Variants in PUM1 observed in about 807,000 individuals in gnomAD.
PUM1 encodes the protein pumilio homolog 1.
A neutral mutation model predicts 131.8 loss-of-function variants in PUM1; 13 were observed. That is an observed-to-expected ratio of 0.10 (90% CI 0.06 to 0.16). PUM1 has a LOEUF of 0.16. Ranked by LOEUF, PUM1 falls within the 10% of genes least tolerant of loss-of-function variation. The pLI is 1.00. For synonymous variants in PUM1, 509 were observed against 556.5 expected (o/e 0.91, Z 1.20); for missense variants, 961 against 1,512.4 (o/e 0.64, Z 6.05).
chr1:30,945,328 C>A lies in PUM1; in HGVS notation c.2994+18G>T. The A allele has an allele frequency of 1.2e-6, 2 of 1,612,174 alleles. No homozygotes were observed. The highest frequency in any genetic ancestry group is 1.7e-4 in the Middle Eastern group (1 of 6,052). ...GGAAATAAATTTGTTTCCATTATTT[C>A]TCTCCTGGGTCACTTACCTGTCCCT... On this transcript the variant is annotated intron_variant, in intron 18 of 21. Transcript: ENST00000426105.
intron 20 of PUM1, 99 bp from the exon 21 acceptor site, chr1:30,936,934 G>A (rs572661565): frequency 2.0e-6 from 2 of 993,064 alleles, no homozygotes; most frequent in African/African-American, 1.7e-5. Flanking sequence ...GACCAGCAGG[G>A]AGAGAGAGCT....
intron 7 of PUM1, among the ~76,000 whole-genome samples, chr1:30,991,896 C>T (rs1253136736): frequency 6.6e-6 from 1 of 152,148 alleles, no homozygotes; most frequent in Non-Finnish European, 1.5e-5. Context: ...TTCCTCTGAT[C>T]GCATTCTAAT....
intron 2 of PUM1, among the ~76,000 whole-genome samples, chr1:31,037,859 C>T (rs1643663993): frequency 6.6e-6 from 1 of 151,854 alleles, no homozygotes; most frequent in Non-Finnish European, 1.5e-5. Flanking sequence ...CTGGCTAACA[C>T]AGTCAGGAGG....
At chr1:31,053,250 T>A (rs909172610) in intron 2 of PUM1, among the ~76,000 whole-genome samples, 47 of 150,788 alleles carry the variant, frequency 3.1e-4, no homozygotes, top group Admixed American at 1.8e-3. Flanking sequence ...TCCACCTGCC[T>A]CAGCCTCCCA....
chr1:30,971,573 A>G (rs1640873304), intron 10 of PUM1, among the ~76,000 whole-genome samples: 1 of 152,226 alleles, frequency 6.6e-6, no homozygotes, highest in African/African-American at 2.4e-5. Flanking sequence ...ATTTTCTTTA[A>G]GTCAAGACAT....
intron 2 of PUM1, among the ~76,000 whole-genome samples, chr1:31,042,479 A>G (rs1230449493): frequency 6.6e-6 from 1 of 152,192 alleles, no homozygotes; most frequent in African/African-American, 2.4e-5. Context: ...CATCAGGGGA[A>G]AAAAGCTAAA....
At chr1:30,972,647 A>G (rs1263159769) in intron 10 of PUM1, among the ~76,000 whole-genome samples, 1 of 146,942 alleles carries the variant, frequency 6.8e-6, no homozygotes, top group African/African-American at 2.5e-5. Flanking sequence ...GGCGGCACAC[A>G]CCTGTAATCC....
chr1:30,963,543 A>G (rs1401040659), intron 14 of PUM1, among the ~76,000 whole-genome samples: 1 of 152,056 alleles, frequency 6.6e-6, no homozygotes, highest in East Asian at 1.9e-4. Flanking sequence ...CAAAGCTATC[A>G]CTCCTAGGTC....
At chr1:31,005,817 GAGAGAGAT>G in intron 5 of PUM1, 28 bp downstream of exon 5, 1 of 1,494,972 alleles carries the variant, frequency 6.7e-7, no homozygotes, top group Non-Finnish European at 9.0e-7. Flanking sequence ...GAGAGAGAGA[GAGAGAGAT>G]AGGAACAAGT....
intron 10 of PUM1, among the ~76,000 whole-genome samples, chr1:30,973,778 C>G (rs1463007115): frequency 6.6e-6 from 1 of 151,516 alleles, no homozygotes; most frequent in Admixed American, 6.6e-5. Flanking sequence ...TTCTAGTTTA[C>G]CACAGTTTCT....
chr1:30,953,639 A>G (rs1200600969), intron 15 of PUM1, 75 bp downstream of exon 15: 2 of 1,496,544 alleles, frequency 1.3e-6, no homozygotes, highest in East Asian at 4.5e-5. Context: ...TTATTTAAGT[A>G]GATACCCATC....
At chr1:30,983,433 T>C (rs1405403187) in intron 7 of PUM1, among the ~76,000 whole-genome samples, 2 of 152,148 alleles carry the variant, frequency 1.3e-5, no homozygotes, top group Non-Finnish European at 2.9e-5. Context: ...AAAGAATTCA[T>C]TTCATTCAAC....
At chr1:30,979,386 C>A (rs1641268355) in intron 9 of PUM1, among the ~76,000 whole-genome samples, 2 of 152,128 alleles carry the variant, frequency 1.3e-5, no homozygotes, top group Non-Finnish European at 2.9e-5. Flanking sequence ...TTGGGTGGTA[C>A]ATATGTAGAG....
chr1:31,037,628 G>A (rs1013924907), intron 2 of PUM1, among the ~76,000 whole-genome samples: 4 of 152,088 alleles, frequency 2.6e-5, no homozygotes, highest in Middle Eastern at 3.2e-3. Context: ...GCTGAGGCAG[G>A]ATAACTGCTT....
Position 30,953,897 on chromosome 1 carries a change from C to T in PUM1, c.2408G>A (p.Ser803Asn), listed in dbSNP as rs775721827. 3.7e-6 allele frequency: 6 copies of T among 1,614,130 alleles called. No individual in the cohort carries two copies. In the African/African-American group the frequency reaches 5.3e-5, roughly 14 times the overall value. ...AKYRSASSAS[S>N]LFSPSSTLFS... ...AAGAGTGCTGCTCGGGCTGAAGAGG[C>T]TGGAGGCGCTGCTTGCACTGCGGTA... The change falls in exon 15 of 22, where the codon AGC (serine) becomes AAC (asparagine). Residue 803 changes from serine to asparagine, a missense_variant. By Grantham distance (46) the Ser-to-Asn change is conservative. Transcript: ENST00000426105.
Position 31,049,901 on chromosome 1 carries a change from C to A in PUM1, c.363+9303G>T, listed in dbSNP as rs183464743. Among the ~76,000 whole-genome samples the A allele has an allele frequency of 1.8e-3, 262 of 142,036 alleles. 2 individuals are homozygous for A. Among genetic ancestry groups the A allele is most frequent in the Non-Finnish European group, 3.5e-3 (231 of 66,698 alleles). The allele number at this position is 142,036 out of a possible 152,430, so 93.2% of individuals were successfully genotyped here. ...CTGGAGTGCAGTGGTGCAATCTCAG[C>A]TCACTGCAATCTCCGCCTCCCAGGT... On this transcript the variant is annotated intron_variant, in intron 2 of 21. Transcript: ENST00000426105.
intron 11 of PUM1, chr1:30,968,071 C>T: frequency 3.8e-6 from 2 of 523,984 alleles, no homozygotes; most frequent in Middle Eastern, 4.1e-4. Context: ...TCCATCTATC[C>T]CTGATTCTGA....
intron 14 of PUM1, among the ~76,000 whole-genome samples, chr1:30,962,863 G>A (rs764558911): frequency 2.6e-5 from 4 of 151,956 alleles, no homozygotes; most frequent in Non-Finnish European, 5.9e-5. Flanking sequence ...TTTACTATCT[G>A]GCTCTTTATG....
intron 5 of PUM1, among the ~76,000 whole-genome samples, chr1:30,998,539 G>A (rs1276467337): frequency 6.6e-6 from 1 of 152,192 alleles, no homozygotes; most frequent in Non-Finnish European, 1.5e-5. Flanking sequence ...TGCTACTCAG[G>A]AGGCTGAGGC....
Sources: gnomAD v4.1 joint callset for allele counts (sites outside exome capture counted in the v4.1 genomes callset) on GRCh38, gnomAD v4.1.1 for gene constraint, MANE v1.5 for transcripts, NCBI Gene and HGNC (gene_info 2026-07-23, HGNC 2026-07-21) for gene names.